HCRTR2: variants seen among roughly 807,000 people sequenced by gnomAD.
HCRTR2 encodes orexin receptor type 2.
HCRTR2 carries 22 observed loss-of-function variants against 49.0 expected under a neutral mutation model. That is an observed-to-expected ratio of 0.45 (90% CI 0.32 to 0.64). The LOEUF is 0.64. Among genes scored for constraint, HCRTR2 ranks in the 30% least tolerant of loss-of-function variants. The pLI is 0.04. For missense variants in HCRTR2, 491 were observed against 559.4 expected (o/e 0.88, Z 1.23); for synonymous variants, 236 against 205.3 (o/e 1.15, Z -1.28).
intron 1 of HCRTR2, among the ~76,000 whole-genome samples, chr6:55,109,627 G>C (rs543565003): frequency 9.9e-5 from 15 of 151,992 alleles, no homozygotes; most frequent in African/African-American, 3.4e-4. Flanking sequence ...GAATTTCAGA[G>C]CCCAAAGACA....
intron 1 of HCRTR2, among the ~76,000 whole-genome samples, chr6:55,164,968 G>A (rs556217670): frequency 4.1e-4 from 63 of 152,136 alleles, no homozygotes; most frequent in African/African-American, 1.5e-3. Context: ...CAAAAAAGAA[G>A]ATGAAATAAT....
At chr6:55,108,567 T>G (rs1171763618) in intron 1 of HCRTR2, among the ~76,000 whole-genome samples, 2 of 151,644 alleles carry the variant, frequency 1.3e-5, no homozygotes, top group Non-Finnish European at 2.9e-5. Flanking sequence ...GAGAAGGATT[T>G]AACCTTACCT....
At chr6:55,124,950 C>G (rs1264673847) in intron 1 of HCRTR2, among the ~76,000 whole-genome samples, 14 of 142,168 alleles carry the variant, frequency 9.8e-5, no homozygotes, top group Non-Finnish European at 2.2e-4. Context: ...TTTTTTTTCA[C>G]TTTCCATGTG....
At chr6:55,142,278 G>C (rs902955508) in intron 1 of HCRTR2, among the ~76,000 whole-genome samples, 57 of 151,532 alleles carry the variant, frequency 3.8e-4, no homozygotes, top group African/African-American at 1.3e-3. Flanking sequence ...CTCACTGCAA[G>C]CTCCCTCTCC....
chr6:55,212,024 C>T (rs1022984292), intron 1 of HCRTR2, among the ~76,000 whole-genome samples: 1 of 152,056 alleles, frequency 6.6e-6, no homozygotes, highest in African/African-American at 2.4e-5. Flanking sequence ...TCAAGAACAA[C>T]AACAAAAAGT....
rs778957677 is a variant in HCRTR2, at chr6:55,174,675, A to G, written c.88A>G (p.Asn30Asp). Residue 30 changes from asparagine to aspartate, a missense_variant, in exon 1 of 7, where the codon AAC becomes GAC. Physicochemically the swap from Asn to Asp is conservative, Grantham distance 23. Transcript: ENST00000370862. ...GAATGAAACTCAAGAGCCCTTTTTA[A>G]ACCCCACCGACTATGACGACGAGGA... ...ELNETQEPFL[N>D]PTDYDDEEFL... 6.2e-7 allele frequency: 1 copy of G among 1,613,966 alleles called. No individual in the cohort carries two copies. Among genetic ancestry groups the G allele is most frequent in the East Asian group, 2.2e-5 (1 of 44,830 alleles).
chr6:55,196,703 A>G (rs533197315), intron 1 of HCRTR2, among the ~76,000 whole-genome samples: 23 of 152,326 alleles, frequency 1.5e-4, no homozygotes, highest in Admixed American at 7.2e-4. Context: ...GTGAGAAGGA[A>G]GAAAAAGAGA....
intron 1 of HCRTR2, among the ~76,000 whole-genome samples, chr6:55,219,891 A>G (rs2127295323): frequency 6.6e-6 from 1 of 152,136 alleles, no homozygotes. Context: ...CAGGAACAAT[A>G]AAGATTTGCA....
intron 1 of HCRTR2, among the ~76,000 whole-genome samples, chr6:55,142,943 CAAAT>C: frequency 6.7e-6 from 1 of 150,354 alleles, no homozygotes; most frequent in Admixed American, 6.7e-5. Context: ...GCACAATCTA[CAAAT>C]AAATAGATGG....
chr6:55,178,802 T>C (rs1456843982), intron 1 of HCRTR2, among the ~76,000 whole-genome samples: 1 of 152,246 alleles, frequency 6.6e-6, no homozygotes, highest in Admixed American at 6.5e-5. Context: ...TGCCTTTAAA[T>C]GAAAGCCATT....
intron 4 of HCRTR2, among the ~76,000 whole-genome samples, chr6:55,274,257 A>ACTTATACATATATTTT (rs201814150): frequency 1.2e-4 from 4 of 34,068 alleles, no homozygotes; most frequent in Non-Finnish European, 2.6e-4. Flanking sequence ...ATATATATAT[A>ACTTATACATATATTTT]ATGAAATATA....
chr6:55,137,756 C>G (rs1764452253), intron 1 of HCRTR2, among the ~76,000 whole-genome samples: 1 of 152,204 alleles, frequency 6.6e-6, no homozygotes, highest in African/African-American at 2.4e-5. Flanking sequence ...AGAATATTAA[C>G]ACTTTACCTA....
At chr6:55,275,360 A>G (rs1387639489) in intron 4 of HCRTR2, among the ~76,000 whole-genome samples, 1 of 152,156 alleles carries the variant, frequency 6.6e-6, no homozygotes, top group Non-Finnish European at 1.5e-5. Context: ...TTAGGGATGC[A>G]TTAAGGATTA....
intron 1 of HCRTR2, among the ~76,000 whole-genome samples, chr6:55,211,812 A>G (rs1442297014): frequency 6.6e-6 from 1 of 152,068 alleles, no homozygotes; most frequent in Non-Finnish European, 1.5e-5. Flanking sequence ...GAAGCTTTCT[A>G]TTATTCCCAA....
chr6:55,187,457 A>C, intron 1 of HCRTR2, among the ~76,000 whole-genome samples: 1 of 148,514 alleles, frequency 6.7e-6, no homozygotes, highest in Non-Finnish European at 1.5e-5. Flanking sequence ...AAAGAAAACG[A>C]AAAGAAAAGA....
At chr6:55,222,483 C>T (rs187884375) in intron 1 of HCRTR2, among the ~76,000 whole-genome samples, 2 of 152,240 alleles carry the variant, frequency 1.3e-5, no homozygotes, top group African/African-American at 4.8e-5. Flanking sequence ...GATATTTGCA[C>T]TCTCATGTTT....
intron 1 of HCRTR2, among the ~76,000 whole-genome samples, chr6:55,130,758 T>C (rs558592982): frequency 4.6e-5 from 7 of 151,936 alleles, no homozygotes; most frequent in Non-Finnish European, 7.4e-5. Context: ...CTATATTTTA[T>C]ATAGTTTTCT....
intron 1 of HCRTR2, among the ~76,000 whole-genome samples, chr6:55,144,099 CTTTTTTTTTTTTTTTTTTT>C (rs530138605): frequency 3.5e-5 from 3 of 85,384 alleles, no homozygotes; most frequent in South Asian, 4.1e-4. Flanking sequence ...CCCGTCCTGC[CTTTTTTTTTTTTTTTTTTT>C]TTTTTTTTTT....
chr6:55,240,842 C>A, intron 1 of HCRTR2: 1 of 344,440 alleles, frequency 2.9e-6, no homozygotes, highest in Non-Finnish European at 5.8e-6. Flanking sequence ...GGCTTTCTTC[C>A]CTATGTATTC....
Sources: gnomAD v4.1 joint callset for allele counts (sites outside exome capture counted in the v4.1 genomes callset) on GRCh38, gnomAD v4.1.1 for gene constraint, MANE v1.5 for transcripts, NCBI Gene and HGNC (gene_info 2026-07-23, HGNC 2026-07-21) for gene names.